PCBP3: variants seen among roughly 807,000 people sequenced by gnomAD.
The protein encoded by PCBP3 is poly(rC)-binding protein 3.
PCBP3 carries 25 observed loss-of-function variants against 52.7 expected under a neutral mutation model. The observed-to-expected ratio is 0.47, with a 90% CI of 0.35 to 0.66. PCBP3 has a LOEUF of 0.66. Among genes scored for constraint, PCBP3 ranks in the 30% least tolerant of loss-of-function variants. PCBP3 has a pLI of 0.01. For synonymous variants in PCBP3, 162 were observed against 183.0 expected, an observed-to-expected ratio of 0.89 and a Z score of 0.93; for missense variants, 391 against 490.3, an observed-to-expected ratio of 0.80 and a Z score of 1.91.
At chr21:45,835,463 C>T (rs1045033809) in intron 4 of PCBP3, among the ~76,000 whole-genome samples, 1 of 152,198 alleles carries the variant, frequency 6.6e-6, no homozygotes, top group African/African-American at 2.4e-5. Context: ...GCCGTCAGCT[C>T]CTGGCCGCAG....
chr21:45,662,881 G>C lies in PCBP3; in HGVS notation c.-278-5993G>C, dbSNP rs765567319. Among the ~76,000 whole-genome samples the C allele has an allele frequency of 3.9e-5, 6 of 152,070 alleles. 1 individual carries two copies. The highest frequency in any genetic ancestry group is 1.4e-4 in the African/African-American group (6 of 41,414). On this transcript the variant is annotated intron_variant, in intron 1 of 17. Coordinates refer to ENST00000681687, the MANE Select transcript of PCBP3 (RefSeq NM_001384156.1). ...GCGTCAGTGCCAAGGAAAAGCACCC[G>C]CTACTTAGCAGACTGGGAAAGGGAG...
chr21:45,769,113 C>G (rs888017754), intron 4 of PCBP3, among the ~76,000 whole-genome samples: 2 of 152,198 alleles, frequency 1.3e-5, no homozygotes, highest in African/African-American at 4.8e-5. Context: ...CTCAGCCCCT[C>G]TTTCATTTGT....
intron 2 of PCBP3, among the ~76,000 whole-genome samples, chr21:45,680,739 G>A (rs1350678662): frequency 6.6e-6 from 1 of 152,142 alleles, no homozygotes; most frequent in Non-Finnish European, 1.5e-5. Flanking sequence ...GAATATAAGT[G>A]AGCAACCTTG....
At position 45,904,836 on chromosome 21, in the gene PCBP3, C is replaced by T. The variant is rs137944561; in HGVS notation, c.339+3723C>T. Reference sequence around the variant, plus strand: ...CACCATGTCACGATTGTGCTGGTGACGGATACCTGGCCTTAAAAGAACCTC... The same window carrying T: ...CACCATGTCACGATTGTGCTGGTGATGGATACCTGGCCTTAAAAGAACCTC... On this transcript the variant is annotated intron_variant, in intron 9 of 17. Coordinates refer to ENST00000681687, the MANE Select transcript of PCBP3 (RefSeq NM_001384156.1). This position sits in a 1 kb window ranked among gnomAD's most constrained non-coding sequence, Gnocchi z 4.8. Among the ~76,000 whole-genome samples the T allele has an allele frequency of 1.3e-4, 20 of 152,278 alleles. No individual in the cohort carries two copies. Among genetic ancestry groups the T allele is most frequent in the African/African-American group, 4.3e-4 (18 of 41,536 alleles).
rs201382669 is a variant in PCBP3 at position 45,940,136 on chromosome 21, G to A, written c.1016G>A (p.Arg339His). ...IANATEGSSE[R>H]QITITGTPAN... ...AACGCCACGGAAGGGTCCTCAGAGC[G>A]TCAGATCACCATCACGGGGACCCCG... The change falls in exon 17 of 18, where the codon CGT (arginine) becomes CAT (histidine). Residue 339 changes from arginine (R) to histidine (H), a missense_variant. Transcript: ENST00000681687. 55 of 1,614,150 alleles carry A rather than the reference G, an allele frequency of 3.4e-5. No individual in the cohort carries two copies. In the Admixed American group the frequency reaches 3.8e-4, roughly 11 times the overall value.
At chr21:45,913,069 G>A (rs2096432315) in intron 11 of PCBP3, among the ~76,000 whole-genome samples, 1 of 152,032 alleles carries the variant, frequency 6.6e-6, no homozygotes. Context: ...TCTTCCTGCT[G>A]GACCAACCCC....
At chr21:45,776,473 TC>T (rs1247613380) in intron 4 of PCBP3, among the ~76,000 whole-genome samples, 2 of 100,510 alleles carry the variant, frequency 2.0e-5, no homozygotes, top group African/African-American at 3.5e-5. Flanking sequence ...TCTCTCTTTC[TC>T]TCTCTCTCTC....
chr21:45,882,564 T>C (rs1198285661), intron 5 of PCBP3, among the ~76,000 whole-genome samples: 1 of 152,186 alleles, frequency 6.6e-6, no homozygotes, highest in Non-Finnish European at 1.5e-5. Flanking sequence ...TTGTTGCCTG[T>C]ACTTTGAGGG....
At chr21:45,660,765 A>G (rs1464991414) in intron 1 of PCBP3, among the ~76,000 whole-genome samples, 2 of 152,130 alleles carry the variant, frequency 1.3e-5, no homozygotes, top group East Asian at 1.9e-4. Flanking sequence ...CTTGCTGGGC[A>G]TGGTGGCTCA....
intron 5 of PCBP3, among the ~76,000 whole-genome samples, chr21:45,856,464 C>T (rs1427388211): frequency 6.6e-6 from 1 of 152,194 alleles, no homozygotes; most frequent in Non-Finnish European, 1.5e-5. Context: ...GGAGGTGGGT[C>T]TGGTGGGAGG....
chr21:45,891,647 C>G (rs2095665725), intron 5 of PCBP3, among the ~76,000 whole-genome samples: 2 of 152,184 alleles, frequency 1.3e-5, no homozygotes, highest in African/African-American at 4.8e-5. Flanking sequence ...TGGGACACCC[C>G]AGGGGTATAC....
chr21:45,649,787 C>T (rs1326081608), intron 1 of PCBP3, among the ~76,000 whole-genome samples: 2 of 151,278 alleles, frequency 1.3e-5, no homozygotes, highest in East Asian at 1.9e-4. Flanking sequence ...GAATTATGAA[C>T]TTTGTTATTT....
At chr21:45,770,795 A>C (rs1255072414) in intron 4 of PCBP3, among the ~76,000 whole-genome samples, 1 of 152,080 alleles carries the variant, frequency 6.6e-6, no homozygotes, top group African/African-American at 2.4e-5. Flanking sequence ...CCCATGTGGC[A>C]CCCTGTGTGG....
chr21:45,825,432 C>T (rs557655745), intron 4 of PCBP3, among the ~76,000 whole-genome samples: 22 of 152,232 alleles, frequency 1.4e-4, no homozygotes, highest in African/African-American at 4.8e-4. Flanking sequence ...GCTCAGCTGG[C>T]CCTCCTGTGT....
At position 45,656,572 on chromosome 21, in the gene PCBP3, C is replaced by T. The variant is rs868598709; in HGVS notation, c.-278-12302C>T. On this transcript the variant is annotated intron_variant, in intron 1 of 17. Transcript: ENST00000681687. The surrounding 1 kb of genome is among the most constrained non-coding windows in gnomAD (Gnocchi z 4.3). ...CGGGTTGATGGGTGCAGCAAACCACCGTGGCATGTGTATACCTGTGTAACA... is the reference window on the plus strand; with the variant it reads ...CGGGTTGATGGGTGCAGCAAACCACTGTGGCATGTGTATACCTGTGTAACA... 9.9e-5 allele frequency among the ~76,000 whole-genome samples: 15 copies of T among 151,850 alleles called. No homozygotes were observed. Among genetic ancestry groups the T allele is most frequent in the Admixed American group, 7.9e-4 (12 of 15,262 alleles).
intron 15 of PCBP3, 73 bp downstream of exon 15, chr21:45,930,918 G>A: frequency 6.3e-7 from 1 of 1,589,812 alleles, no homozygotes; most frequent in East Asian, 2.2e-5. Context: ...GGAGGTGTGG[G>A]GGCCCTGCCG....
intron 6 of PCBP3, among the ~76,000 whole-genome samples, chr21:45,898,612 C>T (rs1343361303): frequency 1.5e-5 from 2 of 135,808 alleles, no homozygotes; most frequent in African/African-American, 2.6e-5. Context: ...CCTCTACACA[C>T]CGTCCTCACG....
intron 2 of PCBP3, among the ~76,000 whole-genome samples, chr21:45,721,672 C>G (rs892015306): frequency 6.6e-6 from 1 of 152,232 alleles, no homozygotes; most frequent in African/African-American, 2.4e-5. Context: ...CCAGAAGCTA[C>G]TGGTACCACT....
chr21:45,858,884 G>A (rs2094407399), intron 5 of PCBP3: 1 of 152,146 alleles, frequency 6.6e-6, no homozygotes. Flanking sequence ...AGATCTGATG[G>A]TTTTCTAAAG....
Sources: gnomAD v4.1 joint callset for allele counts (sites outside exome capture counted in the v4.1 genomes callset) on GRCh38, gnomAD v4.1.1 for gene constraint, Gnocchi (gnomAD v3.1) non-coding constraint, MANE v1.5 for transcripts, NCBI Gene and HGNC (gene_info 2026-07-23, HGNC 2026-07-21) for gene names.